Variants in KCNAB1 observed in about 807,000 individuals in gnomAD.
KCNAB1 encodes the protein potassium voltage-gated channel subfamily A regulatory beta subunit 1, also known as voltage-gated potassium channel subunit beta-1.
KCNAB1 carries 35 observed loss-of-function variants against 64.6 expected under a neutral mutation model. That is an observed-to-expected ratio of 0.54 (90% CI 0.41 to 0.72). KCNAB1 has a LOEUF of 0.72. Ranked by LOEUF, KCNAB1 falls within the 30% of genes least tolerant of loss-of-function variation. The pLI is 0.00. For missense variants in KCNAB1, 401 were observed against 512.9 expected, an observed-to-expected ratio of 0.78 and a Z score of 2.11; for synonymous variants, 177 against 183.8, an observed-to-expected ratio of 0.96 and a Z score of 0.30.
chr3:156,454,797 T>C (rs1298828940), intron 3 of KCNAB1, among the ~76,000 whole-genome samples: 1 of 152,136 alleles, frequency 6.6e-6, no homozygotes, highest in Non-Finnish European at 1.5e-5. Context: ...CAGAAATATC[T>C]TCCCTTTCTG....
At position 156,220,064 on chromosome 3, in the gene KCNAB1, T is replaced by C. The variant is rs181127270; in HGVS notation, c.275+99178T>C. ...ACATGAACTCATCCTTTTTTATGGC[T>C]GCATAGTATTCTATGGTGTATATGT... is the stretch of plus-strand genomic sequence containing the variant. On this transcript the variant is annotated intron_variant, in intron 1 of 13. Transcript: ENST00000490337. 3.4e-3 allele frequency among the ~76,000 whole-genome samples: 515 copies of C among 152,322 alleles called. 3 individuals are homozygous for C. The highest frequency in any genetic ancestry group is 0.012 in the African/African-American group (486 of 41,560).
At chr3:156,391,386 A>G (rs887729492) in intron 1 of KCNAB1, among the ~76,000 whole-genome samples, 3 of 152,144 alleles carry the variant, frequency 2.0e-5, no homozygotes, top group African/African-American at 7.2e-5. Context: ...CCACTGGCCC[A>G]TTGTTAAAAA....
At chr3:156,299,759 GCATT>G (rs1360262336) in intron 1 of KCNAB1, among the ~76,000 whole-genome samples, 1 of 152,100 alleles carries the variant, frequency 6.6e-6, no homozygotes, top group East Asian at 1.9e-4. Flanking sequence ...GACTCTGAGA[GCATT>G]CACACAGGCC....
chr3:156,478,677 T>C (rs73023974), intron 8 of KCNAB1, among the ~76,000 whole-genome samples: 19,452 of 152,230 alleles, frequency 0.13, 2,221 homozygotes, highest in African/African-American at 0.31. Context: ...TGTATTCATG[T>C]GGTTTCTACC....
At chr3:156,378,905 A>T (rs1311823832) in intron 1 of KCNAB1, among the ~76,000 whole-genome samples, 1 of 152,150 alleles carries the variant, frequency 6.6e-6, no homozygotes, top group African/African-American at 2.4e-5. Context: ...GAGAAAATGG[A>T]ATGTCCCCCA....
intron 2 of KCNAB1, among the ~76,000 whole-genome samples, chr3:156,435,969 A>G (rs1716559702): frequency 6.6e-6 from 1 of 152,106 alleles, no homozygotes; most frequent in African/African-American, 2.4e-5. Context: ...AGTTTGTTAC[A>G]TAGGTACATG....
At chr3:156,415,103 T>G (rs1714955941) in intron 1 of KCNAB1, among the ~76,000 whole-genome samples, 1 of 152,174 alleles carries the variant, frequency 6.6e-6, no homozygotes, top group Admixed American at 6.5e-5. Context: ...CACAAATTTA[T>G]CTAGGCTGGA....
In KCNAB1 at chr3:156,292,835, G is replaced by T. The variant is rs79271018; in HGVS notation, c.276-128781G>T. Among the ~76,000 whole-genome samples, 1,315 of 152,284 alleles carry T rather than the reference G, an allele frequency of 8.6e-3. 21 individuals are homozygous for T. Among genetic ancestry groups the T allele is most frequent in the African/African-American group, 0.029 (1,211 of 41,546 alleles). ...TGGGATTACAGGAGTAAACCACCGC[G>T]CCTGGCCTTATTTATCTTTTGAAAG... On this transcript the variant is annotated intron_variant, in intron 1 of 13. Transcript: ENST00000490337.
At chr3:156,245,197 A>G (rs1190043552) in intron 1 of KCNAB1, among the ~76,000 whole-genome samples, 1 of 152,236 alleles carries the variant, frequency 6.6e-6, no homozygotes, top group African/African-American at 2.4e-5. Context: ...TTCTAGAGTT[A>G]GCTAGGAGAG....
chr3:156,171,170 A>G (rs1453963923), intron 1 of KCNAB1, among the ~76,000 whole-genome samples: 1 of 145,166 alleles, frequency 6.9e-6, no homozygotes, highest in Admixed American at 7.2e-5. Context: ...GCACCGGCTT[A>G]TAGTTAGAAA....
In KCNAB1 at chr3:156,536,183, G is replaced by A. The variant is rs115968026; in HGVS notation, c.1171-475G>A. 4.0e-4 allele frequency among the ~76,000 whole-genome samples: 61 copies of A among 152,272 alleles called. 1 individual carries two copies. Among genetic ancestry groups the A allele is most frequent in the Non-Finnish European group, 7.4e-4 (50 of 68,014 alleles). ...CTAGCCACATGTGGCTATTGTATGC[G>A]GGAAAGATGGTGAGTCCAAACAGAG... On this transcript the variant is annotated intron_variant, in intron 13 of 13. Coordinates refer to ENST00000490337, the MANE Select transcript of KCNAB1 (RefSeq NM_172160.3).
chr3:156,252,713 T>C (rs893563669), intron 1 of KCNAB1, among the ~76,000 whole-genome samples: 2 of 152,124 alleles, frequency 1.3e-5, no homozygotes, highest in African/African-American at 4.8e-5. Flanking sequence ...CCAAGATGCA[T>C]TACTTGTAAC....
chr3:156,159,598 C>T (rs1239029906), intron 1 of KCNAB1, among the ~76,000 whole-genome samples: 3 of 152,134 alleles, frequency 2.0e-5, no homozygotes, highest in Non-Finnish European at 4.4e-5. Context: ...TATGGCAGTG[C>T]CCCCTCCACA....
intron 2 of KCNAB1, among the ~76,000 whole-genome samples, chr3:156,433,442 A>T (rs908276737): frequency 1.3e-5 from 2 of 152,252 alleles, no homozygotes; most frequent in Non-Finnish European, 2.9e-5. Context: ...GGAAACATGT[A>T]CAAGGGCTGC....
At chr3:156,168,311 A>G (rs916583279) in intron 1 of KCNAB1, among the ~76,000 whole-genome samples, 1 of 152,126 alleles carries the variant, frequency 6.6e-6, no homozygotes, top group African/African-American at 2.4e-5. Flanking sequence ...TATCAATTGT[A>G]TGGTACACCA....
At chr3:156,388,075 C>G (rs1055661169) in intron 1 of KCNAB1, among the ~76,000 whole-genome samples, 1 of 152,144 alleles carries the variant, frequency 6.6e-6, no homozygotes, top group Admixed American at 6.5e-5. Context: ...ACTCTGTTAT[C>G]TATGCTTGGA....
At chr3:156,204,408 C>T (rs1714527057) in intron 1 of KCNAB1, among the ~76,000 whole-genome samples, 1 of 152,158 alleles carries the variant, frequency 6.6e-6, no homozygotes, top group South Asian at 2.1e-4. Context: ...TGGTAGGCTC[C>T]TTTTAAAATC....
chr3:156,474,816 G>A lies in KCNAB1; in HGVS notation c.654G>A (p.Met218Ile). Reference protein sequence around the residue: ...FANRPDSNTPMEEIVRAMTHV... With the variant: ...FANRPDSNTPIEEIVRAMTHV... ...ATCGACCGGACAGTAACACTCCCAT[G>A]GAAGGTAAGTTAAGAAAGCTAATAA... Residue 218 changes from methionine to isoleucine, a missense_variant, in exon 8 of 14, where the codon ATG becomes ATA. Physicochemically the swap from Met to Ile is conservative, Grantham distance 10 (BLOSUM62 1). Transcript: ENST00000490337. 6.2e-7 allele frequency: 1 copy of A among 1,610,732 alleles called. No individual in the cohort carries two copies. Among genetic ancestry groups the A allele is most frequent in the South Asian group, 1.1e-5 (1 of 91,002 alleles).
At chr3:156,283,361 G>T (rs1224385645) in intron 1 of KCNAB1, among the ~76,000 whole-genome samples, 1 of 151,060 alleles carries the variant, frequency 6.6e-6, no homozygotes, top group African/African-American at 2.5e-5. Context: ...GCTTCCCTTT[G>T]AGGGTAACCC....
Sources: gnomAD v4.1 joint callset for allele counts (sites outside exome capture counted in the v4.1 genomes callset) on GRCh38, gnomAD v4.1.1 for gene constraint, MANE v1.5 for transcripts, NCBI Gene and HGNC (gene_info 2026-07-23, HGNC 2026-07-21) for gene names.